The following ACAP2 variants were observed in gnomAD, a reference collection of about 807,000 sequenced individuals.
ACAP2 encodes ArfGAP with coiled-coil, ankyrin repeat and PH domains 2.
Under a neutral mutation model 115.8 loss-of-function variants are expected in ACAP2, and 39 were observed. That is an observed-to-expected ratio of 0.34 (90% confidence interval 0.26 to 0.44). The LOEUF is 0.44. Among genes scored for constraint, ACAP2 ranks in the 20% least tolerant of loss-of-function variants. The probability of loss-of-function intolerance (pLI) is 1.00; values close to 1 mark genes in which losing one functional copy is unlikely to be tolerated. For missense variants in ACAP2, 662 were observed against 927.6 expected, an observed-to-expected ratio of 0.71 and a Z score of 3.72; for synonymous variants, 289 against 315.8, an observed-to-expected ratio of 0.92 and a Z score of 0.90.
chr3:195,370,226 T>C (rs1733032391), intron 4 of ACAP2, among the ~76,000 whole-genome samples: 2 of 152,234 alleles, frequency 1.3e-5, no homozygotes, highest in African/African-American at 2.4e-5. Flanking sequence ...GACAGTTTCT[T>C]TTACTGTGCA....
intron 7 of ACAP2, chr3:195,336,689 A>G (rs535248343): frequency 1.5e-5 from 6 of 410,460 alleles, no homozygotes; most frequent in South Asian, 1.3e-4. Flanking sequence ...AAACAAAAAC[A>G]TAACAGTATA....
At chr3:195,357,496 A>G (rs898788760) in intron 4 of ACAP2, among the ~76,000 whole-genome samples, 1 of 152,128 alleles carries the variant, frequency 6.6e-6, no homozygotes, top group Non-Finnish European at 1.5e-5. Flanking sequence ...GCTTGCAGCC[A>G]GGTAATAGTT....
chr3:195,297,567 A>G (rs1727737807), intron 15 of ACAP2, among the ~76,000 whole-genome samples: 1 of 152,352 alleles, frequency 6.6e-6, no homozygotes, highest in South Asian at 2.1e-4. Flanking sequence ...CTAGCCACAT[A>G]TCACAGCTAT....
intron 4 of ACAP2, among the ~76,000 whole-genome samples, chr3:195,355,723 C>T (rs551252103): frequency 6.6e-6 from 1 of 152,178 alleles, no homozygotes; most frequent in East Asian, 1.9e-4. Flanking sequence ...AGCTAAGACG[C>T]ACTTCAAAGA....
At chr3:195,439,058 T>C (rs1715803950) in intron 1 of ACAP2, among the ~76,000 whole-genome samples, 1 of 130,974 alleles carries the variant, frequency 7.6e-6, no homozygotes, top group Non-Finnish European at 1.6e-5. Flanking sequence ...CAGAACTCTA[T>C]CTCAAAAAAA....
chr3:195,417,082 T>A (rs1713794422), intron 1 of ACAP2, among the ~76,000 whole-genome samples: 2 of 146,350 alleles, frequency 1.4e-5, no homozygotes, highest in Non-Finnish European at 3.0e-5. Flanking sequence ...TGGCTAATTT[T>A]TTTTTTTTTT....
At chr3:195,438,327 C>G (rs1156733442) in intron 1 of ACAP2, among the ~76,000 whole-genome samples, 2 of 151,660 alleles carry the variant, frequency 1.3e-5, no homozygotes, top group African/African-American at 4.8e-5. Flanking sequence ...CACACCCAGT[C>G]AGGATTCCTG....
intron 15 of ACAP2, among the ~76,000 whole-genome samples, chr3:195,298,207 G>A (rs994575273): frequency 9.9e-5 from 15 of 151,556 alleles, no homozygotes; most frequent in African/African-American, 3.4e-4. Flanking sequence ...TGAAGTCTGG[G>A]AAGAGCACTC....
intron 1 of ACAP2, among the ~76,000 whole-genome samples, chr3:195,430,345 T>A (rs1215457940): frequency 1.3e-5 from 2 of 152,198 alleles, no homozygotes; most frequent in Non-Finnish European, 2.9e-5. Context: ...ATAATTTTTT[T>A]AAAGTGTATA....
At chr3:195,360,926 T>G (rs1468870940) in intron 4 of ACAP2, among the ~76,000 whole-genome samples, 2 of 142,264 alleles carry the variant, frequency 1.4e-5, no homozygotes, top group Non-Finnish European at 3.0e-5. Context: ...TCCCAGCACA[T>G]GAATCATTCT....
chr3:195,303,875 T>C (rs890946074), intron 13 of ACAP2, among the ~76,000 whole-genome samples: 1 of 152,050 alleles, frequency 6.6e-6, no homozygotes, highest in Non-Finnish European at 1.5e-5. Context: ...TTTAAAAACA[T>C]TTCAGGTCAG....
rs1487256726 is a variant in ACAP2, at chr3:195,326,781, GAAC to G, written c.744+101_744+103del. On this transcript the variant is annotated intron_variant, in intron 9 of 22. Coordinates refer to ENST00000326793, the MANE Select transcript of ACAP2 (RefSeq NM_012287.6). ...GAGGAATTTATCTGCACAATTATTA[GAAC>G]AACTCAAAAGATTTGTTCCAATACA... is the stretch of plus-strand genomic sequence containing the variant. 105 of 970,022 alleles carry G rather than the reference GAAC, an allele frequency of 1.1e-4. No homozygotes were observed. The East Asian group carries it at 2.5e-3, about 23-fold the overall frequency. 60.1% of individuals were successfully genotyped at this position (970,022 alleles called of 1,614,324 possible). A position where few individuals can be genotyped will look rare whatever the true frequency, so the allele number is the denominator to read the frequency against.
chr3:195,281,334 G>C (rs910249123), intron 22 of ACAP2, among the ~76,000 whole-genome samples: 1 of 152,076 alleles, frequency 6.6e-6, no homozygotes, highest in Non-Finnish European at 1.5e-5. Flanking sequence ...GAACCCGGGA[G>C]GCAGAGCTTG....
intron 1 of ACAP2, among the ~76,000 whole-genome samples, chr3:195,438,247 C>T (rs1298644688): frequency 6.6e-6 from 1 of 151,684 alleles, no homozygotes; most frequent in East Asian, 1.9e-4. Flanking sequence ...AGGCTGGTTT[C>T]GAACTCCTGA....
chr3:195,333,132 GA>G lies in ACAP2; in HGVS notation c.574-10del, dbSNP rs770036113. ...TACATAAATGACAACATCTAATAGG[GA>G]AAAAAAGATGACCATTTTAAAATCT... On this transcript the variant is annotated splice_polypyrimidine_tract_variant and intron_variant, in intron 7 of 22. Coordinates refer to ENST00000326793, the MANE Select transcript of ACAP2 (RefSeq NM_012287.6). 1.5e-5 allele frequency: 22 copies of G among 1,495,884 alleles called. No homozygotes were observed. The highest frequency in any genetic ancestry group is 1.4e-4 in the East Asian group (6 of 41,500). The allele number at this position is 1,495,884 out of a possible 1,614,324, so 92.7% of individuals were successfully genotyped here.
intron 4 of ACAP2, among the ~76,000 whole-genome samples, chr3:195,355,345 C>CTT (rs1329567131): frequency 2.2e-5 from 3 of 139,404 alleles, no homozygotes; most frequent in Non-Finnish European, 3.0e-5. Context: ...ACAGCTAACT[C>CTT]TTTTCTATAT....
At chr3:195,391,653 C>T (rs1365508990) in intron 2 of ACAP2, among the ~76,000 whole-genome samples, 1 of 152,136 alleles carries the variant, frequency 6.6e-6, no homozygotes, top group Non-Finnish European at 1.5e-5. Context: ...GTCTTACTTT[C>T]CTCATGTGTA....
chr3:195,336,647 G>A (rs1390701373), intron 7 of ACAP2: 3 of 275,286 alleles, frequency 1.1e-5, no homozygotes, highest in African/African-American at 6.6e-5. Flanking sequence ...TGGGCATCTA[G>A]TGCATGTAAA....
chr3:195,382,383 T>C (rs906332052), intron 2 of ACAP2, among the ~76,000 whole-genome samples: 2 of 151,664 alleles, frequency 1.3e-5, no homozygotes, highest in Admixed American at 1.3e-4. Flanking sequence ...AAAAAAAAAA[T>C]GTCTCTAATA....
Sources: gnomAD v4.1 joint callset for allele counts (sites outside exome capture counted in the v4.1 genomes callset) on GRCh38, gnomAD v4.1.1 for gene constraint, MANE v1.5 for transcripts, NCBI Gene and HGNC (gene_info 2026-07-23, HGNC 2026-07-21) for gene names.